TANGO6: variants seen among roughly 807,000 people sequenced by gnomAD.
TANGO6 encodes transport and golgi organization 6 homolog.
In TANGO6, 90 loss-of-function variants were observed where a neutral mutation model predicts 114.2. That is an observed-to-expected ratio of 0.79 (90% CI 0.66 to 0.94). The LOEUF (loss-of-function observed/expected upper bound fraction) is 0.94, where lower values mean the gene tolerates loss of function less well. TANGO6 is among the 40% of genes least tolerant of loss of function. The pLI is 0.00. For synonymous variants in TANGO6, 477 were observed against 509.8 expected (o/e 0.94, Z 0.87); for missense variants, 1,274 against 1,315.3 (o/e 0.97, Z 0.49).
chr16:68,973,219 A>G (rs929150100), intron 14 of TANGO6: 1 of 449,486 alleles, frequency 2.2e-6, no homozygotes, highest in African/African-American at 2.0e-5. Flanking sequence ...TGCTTGGGGT[A>G]GAAGTGGGTT....
intron 7 of TANGO6, among the ~76,000 whole-genome samples, chr16:68,884,278 G>C (rs1962507634): frequency 6.6e-6 from 1 of 152,084 alleles, no homozygotes; most frequent in Non-Finnish European, 1.5e-5. Context: ...TTTGAAAATG[G>C]AGTCTACCCT....
rs368348701 is a variant in TANGO6 at position 68,880,597 on chromosome 16, A to G, written c.1344A>G (p.Glu448=). The G allele has an allele frequency of 7.4e-5, 119 of 1,612,618 alleles. No individual in the cohort carries two copies. The highest frequency in any genetic ancestry group is 2.2e-5 in the East Asian group (1 of 44,756). Residue 448 remains glutamate (E), a synonymous_variant, in exon 7 of 18, where the codon GAA becomes GAG. Transcript: ENST00000261778. ...CAGGAACTATTTTGGTGACAGAAGAAGAACTTAGTAGATGCATTGAGGATG... is the reference window on the plus strand; with the variant it reads ...CAGGAACTATTTTGGTGACAGAAGAGGAACTTAGTAGATGCATTGAGGATG... ...MVPGTILVTE[E]ELSRCIEDVF... is the part of the protein sequence containing the mutation.
intron 15 of TANGO6, among the ~76,000 whole-genome samples, chr16:69,012,556 C>CAAAAAAAAAAAAAAAAAAA (rs1175561720): frequency 2.7e-5 from 1 of 36,510 alleles, no homozygotes; most frequent in African/African-American, 1.0e-4. Flanking sequence ...AACTCTGTCT[C>CAAAAAAAAAAAAAAAAAAA]AAAAAAAAAA....
rs112825957 is a variant in TANGO6 at position 68,897,518 on chromosome 16, A to G, written c.1378-2916A>G. On this transcript the variant is annotated intron_variant, in intron 7 of 17. Coordinates refer to ENST00000261778, the MANE Select transcript of TANGO6 (RefSeq NM_024562.2). ...TTCCTAAATTTTAGGCACAAGTAGT[A>G]CTTGTTCATTATAAGAAGATATAGA... Among the ~76,000 whole-genome samples, 725 of 152,242 alleles carry G rather than the reference A, an allele frequency of 4.8e-3. 6 individuals are homozygous for G. Among genetic ancestry groups the G allele is most frequent in the African/African-American group, 0.017 (691 of 41,546 alleles).
At chr16:68,957,278 C>T (rs988790730) in intron 14 of TANGO6, among the ~76,000 whole-genome samples, 1 of 152,186 alleles carries the variant, frequency 6.6e-6, no homozygotes, top group East Asian at 1.9e-4. Flanking sequence ...AAAACTTTCT[C>T]ATCAGCCCAC....
intron 12 of TANGO6, among the ~76,000 whole-genome samples, chr16:68,923,267 C>T (rs1466187277): frequency 6.6e-6 from 1 of 151,918 alleles, no homozygotes; most frequent in African/African-American, 2.4e-5. Context: ...CTGCTTAGGT[C>T]ATGTTTTTGA....
At chr16:69,025,139 G>A (rs552204053) in intron 16 of TANGO6, among the ~76,000 whole-genome samples, 6 of 152,322 alleles carry the variant, frequency 3.9e-5, no homozygotes, top group Non-Finnish European at 7.3e-5. Context: ...GGGAATGCCC[G>A]ACCCTGGCCT....
intron 17 of TANGO6, among the ~76,000 whole-genome samples, chr16:69,053,728 G>A (rs1049777330): frequency 3.9e-5 from 6 of 152,160 alleles, no homozygotes; most frequent in African/African-American, 9.7e-5. Context: ...ACTCCGTACT[G>A]TGACTATGTT....
At chr16:69,011,093 A>G (rs1326605201) in intron 15 of TANGO6, among the ~76,000 whole-genome samples, 1 of 152,206 alleles carries the variant, frequency 6.6e-6, no homozygotes, top group Non-Finnish European at 1.5e-5. Flanking sequence ...TGCTGGCTGT[A>G]AGTAATCATT....
At chr16:69,063,127 C>G (rs1205345635) in intron 17 of TANGO6, among the ~76,000 whole-genome samples, 1 of 150,266 alleles carries the variant, frequency 6.7e-6, no homozygotes, top group Non-Finnish European at 1.5e-5. Context: ...ACTTGGGAAG[C>G]GGAGGCAGGA....
chr16:69,083,521 C>T lies in TANGO6; in HGVS notation c.3145C>T (p.Leu1049=). The T allele has an allele frequency of 6.2e-7, 1 of 1,612,606 alleles. No individual in the cohort carries two copies. Among genetic ancestry groups the T allele is most frequent in the Non-Finnish European group, 8.5e-7 (1 of 1,179,362 alleles). ...CGTCCTCAAGGATCTCTACCACCTG[C>T]TGAAGCACGTAGTGTGTCTGGAGCC... The part of the protein sequence containing the change: ...SAVLKDLYHL[L]KHVVCLEPDD... The change falls in exon 18 of 18, where the codon CTG becomes TTG. Residue 1049 remains leucine, a synonymous_variant. Transcript: ENST00000261778.
intron 16 of TANGO6, among the ~76,000 whole-genome samples, chr16:69,038,409 G>GCA (rs1959723729): frequency 6.6e-6 from 1 of 151,680 alleles, no homozygotes; most frequent in Non-Finnish European, 1.5e-5. Context: ...CAGCCTGGAT[G>GCA]ACAGAGCGAG....
chr16:68,942,163 C>G (rs1316785718), intron 14 of TANGO6, among the ~76,000 whole-genome samples: 2 of 152,004 alleles, frequency 1.3e-5, no homozygotes, highest in Non-Finnish European at 2.9e-5. Flanking sequence ...AACCCCATCT[C>G]TACTAAAAAT....
intron 10 of TANGO6, 126 bp from the exon 11 acceptor site, chr16:68,909,085 A>T (rs1962888741): frequency 2.4e-6 from 2 of 831,414 alleles, no homozygotes; most frequent in African/African-American, 3.5e-5. Context: ...TATTATAAAT[A>T]ATGTTGCAAC....
chr16:68,851,983 T>C (rs1961909264), intron 1 of TANGO6, among the ~76,000 whole-genome samples: 1 of 152,254 alleles, frequency 6.6e-6, no homozygotes, highest in Non-Finnish European at 1.5e-5. Flanking sequence ...GTCTGTATCT[T>C]TTGCTCATGT....
intron 1 of TANGO6, among the ~76,000 whole-genome samples, chr16:68,851,260 A>T (rs996795294): frequency 3.9e-5 from 6 of 152,048 alleles, no homozygotes; most frequent in Non-Finnish European, 5.9e-5. Context: ...CCCAGGTTCA[A>T]GCGATTCTCC....
intron 15 of TANGO6, among the ~76,000 whole-genome samples, chr16:69,005,672 C>T (rs1417419759): frequency 6.6e-6 from 1 of 151,918 alleles, no homozygotes; most frequent in Non-Finnish European, 1.5e-5. Context: ...CCTGTAATCC[C>T]AGCTACTTGG....
At chr16:68,957,355 T>C (rs914028638) in intron 14 of TANGO6, among the ~76,000 whole-genome samples, 9 of 151,752 alleles carry the variant, frequency 5.9e-5, no homozygotes, top group African/African-American at 1.9e-4. Flanking sequence ...TATTTAAGGC[T>C]AATAATTAGT....
At chr16:68,983,266 T>C (rs1963858269) in intron 15 of TANGO6, among the ~76,000 whole-genome samples, 1 of 152,250 alleles carries the variant, frequency 6.6e-6, no homozygotes, top group African/African-American at 2.4e-5. Context: ...AAATACTCTC[T>C]GAATTCTAAT....
Sources: gnomAD v4.1 joint callset for allele counts (sites outside exome capture counted in the v4.1 genomes callset) on GRCh38, gnomAD v4.1.1 for gene constraint, MANE v1.5 for transcripts, NCBI Gene and HGNC (gene_info 2026-07-23, HGNC 2026-07-21) for gene names.